NOL4: variants seen among roughly 807,000 people sequenced by gnomAD.
NOL4 encodes the protein cancer/testis antigen 125.
NOL4 carries 17 observed loss-of-function variants against 75.9 expected under a neutral mutation model. The observed-to-expected ratio is 0.22, with a 90% CI of 0.15 to 0.34. The LOEUF (loss-of-function observed/expected upper bound fraction) is 0.34. NOL4 is among the 10% of genes least tolerant of loss of function. The pLI is 1.00. For missense variants in NOL4, 614 were observed against 793.5 expected, an observed-to-expected ratio of 0.77 and a Z score of 2.72; for synonymous variants, 292 against 289.9, an observed-to-expected ratio of 1.01 and a Z score of -0.07.
At chr18:34,146,998 C>T (rs2081428007) in intron 1 of NOL4, among the ~76,000 whole-genome samples, 1 of 152,014 alleles carries the variant, frequency 6.6e-6, no homozygotes, top group Non-Finnish European at 1.5e-5. Context: ...TGGGAGTTCA[C>T]TCATGATTTG....
At chr18:34,127,658 A>T (rs78165503) in intron 2 of NOL4, among the ~76,000 whole-genome samples, 29,536 of 151,850 alleles carry the variant, frequency 0.19, 3,072 homozygotes, top group Middle Eastern at 0.24. Context: ...TCATTAATTG[A>T]ACACTTACAT....
chr18:33,960,416 C>G (rs1460215920), intron 6 of NOL4, among the ~76,000 whole-genome samples: 3 of 152,006 alleles, frequency 2.0e-5, no homozygotes, highest in Admixed American at 6.6e-5. Context: ...AGAATAAACT[C>G]TTAATAAACA....
chr18:34,209,442 A>G (rs1207611726), intron 1 of NOL4, among the ~76,000 whole-genome samples: 10 of 152,136 alleles, frequency 6.6e-5, no homozygotes, highest in South Asian at 2.1e-4. Context: ...ATGAATGGCA[A>G]GAGAACTAGA....
intron 10 of NOL4, among the ~76,000 whole-genome samples, chr18:33,853,265 T>A (rs920424896): frequency 6.6e-6 from 1 of 152,048 alleles, no homozygotes; most frequent in Non-Finnish European, 1.5e-5. Context: ...CCTCTGGAAA[T>A]CACCTCTTGC....
At chr18:33,990,586 C>T (rs28372526) in intron 6 of NOL4, among the ~76,000 whole-genome samples, 2,141 of 149,760 alleles carry the variant, frequency 0.014, 55 homozygotes, top group African/African-American at 0.05. Flanking sequence ...TACTCCTAGA[C>T]CTACACTGCC....
chr18:33,914,373 G>C (rs1001396130), intron 9 of NOL4, among the ~76,000 whole-genome samples: 1 of 152,154 alleles, frequency 6.6e-6, no homozygotes, highest in East Asian at 1.9e-4. Context: ...GAGGAGGTGA[G>C]AGAAGGGACA....
chr18:34,174,451 G>A (rs139487035), intron 1 of NOL4, among the ~76,000 whole-genome samples: 3 of 152,160 alleles, frequency 2.0e-5, no homozygotes, highest in Admixed American at 2.0e-4. Context: ...AAAATTTGGG[G>A]TGTTTTAGCT....
In NOL4 at chr18:33,854,243, A is replaced by G. The variant is rs555465901; in HGVS notation, c.1724-1208T>C. Among the ~76,000 whole-genome samples the G allele has an allele frequency of 1.4e-4, 22 of 152,114 alleles. No individual in the cohort carries two copies. In the South Asian group the frequency reaches 4.2e-3, roughly 29 times the overall value. The stretch of plus-strand genomic sequence containing the variant: ...CATGATGGAGATAGGTCAAGACCCA[A>G]CCCCCTCCACCCTCTACCTCCACAG... On this transcript the variant is annotated intron_variant, in intron 10 of 10. Coordinates refer to ENST00000261592, the MANE Select transcript of NOL4 (RefSeq NM_003787.5).
intron 9 of NOL4, among the ~76,000 whole-genome samples, chr18:33,909,309 A>G (rs909700419): frequency 6.6e-6 from 1 of 152,144 alleles, no homozygotes; most frequent in Admixed American, 6.6e-5. Flanking sequence ...ATTTCCCTGC[A>G]AGATCTCATC....
intron 5 of NOL4, among the ~76,000 whole-genome samples, chr18:34,049,759 T>C (rs1015951998): frequency 6.6e-6 from 1 of 152,152 alleles, no homozygotes; most frequent in African/African-American, 2.4e-5. Context: ...GCTGAAGCAA[T>C]GGAATCTATA....
intron 2 of NOL4, among the ~76,000 whole-genome samples, chr18:34,107,691 A>AG (rs2079373317): frequency 6.6e-6 from 1 of 152,084 alleles, no homozygotes; most frequent in Non-Finnish European, 1.5e-5. Flanking sequence ...AAAAAAAAAA[A>AG]AAAACTTTTT....
chr18:34,151,024 C>T (rs1337993505), intron 1 of NOL4, among the ~76,000 whole-genome samples: 3 of 151,844 alleles, frequency 2.0e-5, no homozygotes, highest in East Asian at 3.9e-4. Flanking sequence ...GATACCACTA[C>T]ATAACTATTA....
At chr18:34,029,607 A>T (rs2075531918) in intron 5 of NOL4, among the ~76,000 whole-genome samples, 1 of 152,102 alleles carries the variant, frequency 6.6e-6, no homozygotes, top group Non-Finnish European at 1.5e-5. Context: ...GTACCTTTCC[A>T]GGCTATGAGC....
At chr18:34,069,836 G>A (rs1236092764) in intron 5 of NOL4, among the ~76,000 whole-genome samples, 2 of 152,108 alleles carry the variant, frequency 1.3e-5, no homozygotes, top group African/African-American at 2.4e-5. Context: ...GAAATAATTG[G>A]TCCCAAATGG....
intron 10 of NOL4, among the ~76,000 whole-genome samples, chr18:33,879,714 T>C (rs2064145351): frequency 6.6e-6 from 1 of 151,854 alleles, no homozygotes; most frequent in Non-Finnish European, 1.5e-5. Context: ...TTACTATTTA[T>C]ACTCTTTTGT....
At position 34,093,405 on chromosome 18, in the gene NOL4, T is replaced by C. The variant is rs552024782; in HGVS notation, c.772+60A>G. On this transcript the variant is annotated intron_variant, in intron 5 of 10. Coordinates refer to ENST00000261592, the MANE Select transcript of NOL4 (RefSeq NM_003787.5). ...AATTAAGAGGTAGTTGTTGTTTCCA[T>C]GCATTCTGACTCATTTTTTTGCTGT... The C allele has an allele frequency of 1.2e-5, 18 of 1,474,828 alleles. No individual in the cohort carries two copies. In the African/African-American group the frequency reaches 2.4e-4, roughly 20 times the overall value. 91.4% of individuals were successfully genotyped at this position (1,474,828 alleles called of 1,614,324 possible). A position where few individuals can be genotyped will look rare whatever the true frequency, so the allele number is the denominator to read the frequency against.
At chr18:33,881,028 T>G (rs2064234360) in intron 10 of NOL4, among the ~76,000 whole-genome samples, 1 of 151,624 alleles carries the variant, frequency 6.6e-6, no homozygotes, top group East Asian at 1.9e-4. Flanking sequence ...TACCACCACC[T>G]CCCCTCACCA....
intron 9 of NOL4, among the ~76,000 whole-genome samples, chr18:33,917,373 C>T (rs1599860663): frequency 6.6e-6 from 1 of 151,996 alleles, no homozygotes; most frequent in African/African-American, 2.4e-5. Context: ...CTCAGGAATC[C>T]ACATAAATTA....
intron 5 of NOL4, among the ~76,000 whole-genome samples, chr18:34,089,291 TTAAAA>T (rs1292785913): frequency 1.1e-4 from 17 of 152,166 alleles, no homozygotes; most frequent in African/African-American, 4.1e-4. Flanking sequence ...TTAATTTAAC[TTAAAA>T]TAATTTGTAT....
Sources: allele counts gnomAD v4.1 joint callset (sites outside exome capture counted in the v4.1 genomes callset), GRCh38; gene constraint gnomAD v4.1.1; transcripts MANE v1.5; gene names NCBI Gene and HGNC (gene_info 2026-07-23, HGNC 2026-07-21).